The following PIEZO2 variants were observed in gnomAD, a reference collection of about 807,000 sequenced individuals.
PIEZO2 encodes the protein piezo-type mechanosensitive ion channel component 2.
A neutral mutation model predicts 337.3 loss-of-function variants in PIEZO2; 172 were observed. That is an observed-to-expected ratio of 0.51 (90% CI 0.45 to 0.58). PIEZO2 has a LOEUF of 0.58. Ranked by LOEUF, PIEZO2 falls within the 20% of genes least tolerant of loss-of-function variation. PIEZO2 has a pLI of 0.00. For synonymous variants in PIEZO2, 1,251 were observed against 1,228.5 expected, an observed-to-expected ratio of 1.02 and a Z score of -0.38; for missense variants, 3,028 against 3,391.3, an observed-to-expected ratio of 0.89 and a Z score of 2.66.
intron 15 of PIEZO2, 48 bp from the exon 16 acceptor site, chr18:10,787,232 G>A: frequency 6.8e-7 from 1 of 1,461,000 alleles, no homozygotes. Context: ...ATCACTTTTA[G>A]GAAAACTCAC....
At chr18:10,701,668 T>C (rs1361096183) in intron 43 of PIEZO2, among the ~76,000 whole-genome samples, 1 of 152,204 alleles carries the variant, frequency 6.6e-6, no homozygotes, top group Non-Finnish European at 1.5e-5. Context: ...ATATTGCACA[T>C]CATTCAAGCA....
chr18:11,117,287 T>C (rs2039919573), intron 1 of PIEZO2, among the ~76,000 whole-genome samples: 2 of 152,198 alleles, frequency 1.3e-5, no homozygotes, highest in African/African-American at 2.4e-5. Flanking sequence ...AATTATTATG[T>C]ATCAATAAAA....
Position 10,894,258 on chromosome 18 carries a change from C to T in PIEZO2, c.329+16928G>A, listed in dbSNP as rs1039940104. Among the ~76,000 whole-genome samples, 18 of 151,994 alleles carry T rather than the reference C, an allele frequency of 1.2e-4. No homozygotes were observed. Among genetic ancestry groups the T allele is most frequent in the African/African-American group, 4.4e-4 (18 of 41,372 alleles). On this transcript the variant is annotated intron_variant, in intron 4 of 55. Coordinates refer to ENST00000674853, the MANE Select transcript of PIEZO2 (RefSeq NM_001378183.1). This position sits in a 1 kb window ranked among gnomAD's most constrained non-coding sequence, Gnocchi z 4.1. ...ACCTGAGGTCAGGAGTTGAGACCAG[C>T]CTGGCCAACATGGAGAAATCCCCTC...
rs1308880817 is a variant in PIEZO2 at position 11,148,927 on chromosome 18, G to C, written c.-339C>G. On this transcript the variant is annotated 5_prime_UTR_variant, in exon 1 of 56. Coordinates refer to ENST00000674853, the MANE Select transcript of PIEZO2 (RefSeq NM_001378183.1). This position sits in a 1 kb window ranked among gnomAD's most constrained non-coding sequence, Gnocchi z 5.2. ...GGGTAGCTGATGCCGGGGCCTTGGA[G>C]AGGGACGCTTTGGGAGGGTCCTGGG... Among the ~76,000 whole-genome samples the C allele has an allele frequency of 6.6e-6, 1 of 152,172 alleles. No individual in the cohort carries two copies. The highest frequency in any genetic ancestry group is 1.5e-5 in the Non-Finnish European group (1 of 68,020).
At position 10,731,429 on chromosome 18, in the gene PIEZO2, T is replaced by C; in HGVS notation, c.5007A>G (p.Arg1669=). 5 of 1,534,854 alleles carry C rather than the reference T, an allele frequency of 3.3e-6. No homozygotes were observed. Among genetic ancestry groups the C allele is most frequent in the Admixed American group, 2.0e-5 (1 of 50,654 alleles). The change falls in exon 36 of 56, where the codon CGA becomes CGG. Residue 1669 remains arginine, a synonymous_variant. Transcript: ENST00000674853. ...CACCCTCCTTGGATCCTTTCCGCCT[T>C]CGTTTCCGTTCTTCTCTTGCAGACC... ...KKRSAREERK[R]RRKGSKEGPV...
At position 10,677,262 on chromosome 18, in the gene PIEZO2, G is replaced by C. The variant is rs1196527830; in HGVS notation, c.8081+485C>G. On this transcript the variant is annotated intron_variant, in intron 53 of 55. Coordinates refer to ENST00000674853, the MANE Select transcript of PIEZO2 (RefSeq NM_001378183.1). This position sits in a 1 kb window ranked among gnomAD's most constrained non-coding sequence, Gnocchi z 4.1. Reference sequence around the variant, plus strand: ...AAATGGAGTCTCACTCTGTTGCCCAGGCTGGAGTGCAGTGCTGCGATCTAG... The same window carrying C: ...AAATGGAGTCTCACTCTGTTGCCCACGCTGGAGTGCAGTGCTGCGATCTAG... Among the ~76,000 whole-genome samples, 22 of 152,086 alleles carry C rather than the reference G, an allele frequency of 1.4e-4. No individual in the cohort carries two copies. The highest frequency in any genetic ancestry group is 2.1e-4 in the South Asian group (1 of 4,812).
chr18:10,796,727 G>A (rs1044950727), intron 12 of PIEZO2, among the ~76,000 whole-genome samples: 2 of 152,232 alleles, frequency 1.3e-5, no homozygotes, highest in African/African-American at 4.8e-5. Flanking sequence ...CTAGCCCTGA[G>A]AAGATAGCAG....
At chr18:10,786,209 C>T (rs1183147968) in intron 16 of PIEZO2, among the ~76,000 whole-genome samples, 3 of 152,222 alleles carry the variant, frequency 2.0e-5, no homozygotes, top group African/African-American at 7.2e-5. Flanking sequence ...CTGTTTCCTT[C>T]ACAGACCTGT....
Position 10,726,395 on chromosome 18 carries a change from C to T in PIEZO2, c.5029+5012G>A. On this transcript the variant is annotated intron_variant, in intron 36 of 55. Transcript: ENST00000674853. This position sits in a 1 kb window ranked among gnomAD's most constrained non-coding sequence, Gnocchi z 5.9. ...CCCACTACCTGCGGGGCGGTAACAACGCGCGCCAGCCGTGGCACAACGCGG... is the reference window on the plus strand; with the variant it reads ...CCCACTACCTGCGGGGCGGTAACAATGCGCGCCAGCCGTGGCACAACGCGG... The T allele has an allele frequency of 6.6e-7, 1 of 1,525,268 alleles. No individual in the cohort carries two copies. The allele number at this position is 1,525,268 out of a possible 1,614,324, so 94.5% of individuals were successfully genotyped here.
intron 20 of PIEZO2, among the ~76,000 whole-genome samples, chr18:10,772,657 GA>G (rs1468595678): frequency 6.6e-6 from 1 of 152,168 alleles, no homozygotes; most frequent in African/African-American, 2.4e-5. Context: ...AGCATCTTAA[GA>G]TCATAGCCCC....
At chr18:11,029,243 G>A (rs1252933866) in intron 2 of PIEZO2, among the ~76,000 whole-genome samples, 1 of 152,100 alleles carries the variant, frequency 6.6e-6, no homozygotes, top group East Asian at 1.9e-4. Context: ...CGTCACCCTT[G>A]CTCCAGACCC....
chr18:10,968,917 A>G (rs1191374725), intron 3 of PIEZO2, among the ~76,000 whole-genome samples: 1 of 152,216 alleles, frequency 6.6e-6, no homozygotes, highest in African/African-American at 2.4e-5. Context: ...TATATTCTCA[A>G]TATTCAAAAT....
At chr18:11,011,039 C>T (rs543972055) in intron 2 of PIEZO2, among the ~76,000 whole-genome samples, 2 of 152,308 alleles carry the variant, frequency 1.3e-5, no homozygotes, top group East Asian at 1.9e-4. Flanking sequence ...GGTGTGAAAA[C>T]ACAAAGAAGG....
intron 1 of PIEZO2, among the ~76,000 whole-genome samples, chr18:11,090,064 G>A (rs2039028241): frequency 6.6e-6 from 1 of 152,204 alleles, no homozygotes; most frequent in Non-Finnish European, 1.5e-5. Flanking sequence ...GGGAGAGCAG[G>A]AAGCCTGACA....
intron 3 of PIEZO2, among the ~76,000 whole-genome samples, chr18:10,937,511 T>A (rs2032469694): frequency 6.6e-6 from 1 of 152,190 alleles, no homozygotes; most frequent in Admixed American, 6.5e-5. Flanking sequence ...AATATCTATA[T>A]GTTATTTCCC....
At position 10,837,183 on chromosome 18, in the gene PIEZO2, G is replaced by A. The variant is rs8083634; in HGVS notation, c.917+18170C>T. The stretch of plus-strand genomic sequence containing the variant: ...GATGGTGTGCACTCCTGTTGTGGAC[G>A]GTAACAGAACCTGGAAATCAATGCT... On this transcript the variant is annotated intron_variant, in intron 7 of 55. Coordinates refer to ENST00000674853, the MANE Select transcript of PIEZO2 (RefSeq NM_001378183.1). This position sits in a 1 kb window ranked among gnomAD's most constrained non-coding sequence, Gnocchi z 4.4. 0.14 allele frequency among the ~76,000 whole-genome samples: 21,134 copies of A among 152,116 alleles called. 2,232 individuals carry two copies. Among genetic ancestry groups the A allele is most frequent in the African/African-American group, 0.29 (12,195 of 41,448 alleles).
In PIEZO2 at chr18:11,031,868, A is replaced by G. The variant is rs2036750013; in HGVS notation, c.160+34259T>C. Among the ~76,000 whole-genome samples the G allele has an allele frequency of 1.3e-5, 2 of 152,182 alleles. No individual in the cohort carries two copies. The highest frequency in any genetic ancestry group is 4.8e-5 in the African/African-American group (2 of 41,448). ...TATTGGGTGTATTTTAATATTTTAT[A>G]ATCCATTTGGCTGCTGAATATTAGC... On this transcript the variant is annotated intron_variant, in intron 2 of 55. Transcript: ENST00000674853. The surrounding 1 kb of genome is among the most constrained non-coding windows in gnomAD (Gnocchi z 4.7).
In PIEZO2 at chr18:11,035,523, A is replaced by G. The variant is rs1318267945; in HGVS notation, c.160+30604T>C. Among the ~76,000 whole-genome samples the G allele has an allele frequency of 6.6e-6, 1 of 152,290 alleles. No individual in the cohort carries two copies. The highest frequency in any genetic ancestry group is 1.9e-4 in the East Asian group (1 of 5,176). ...CTCCCAGCCTCAGATATTCCTTTAG[A>G]GCAATGCAAAATGGGCTAACACAAC... is the stretch of plus-strand genomic sequence containing the variant. On this transcript the variant is annotated intron_variant, in intron 2 of 55. Transcript: ENST00000674853. The surrounding 1 kb of genome is among the most constrained non-coding windows in gnomAD (Gnocchi z 4.3).
Position 10,760,932 on chromosome 18 carries a change from GAAGT to G in PIEZO2, c.3425_3428del (p.Tyr1142SerfsTer12), listed in dbSNP as rs764519246. ...TCACCTCCAGACCAAACTTGTAAAA[GAAGT>G]AATTAATGAAATATTTGGCACAATT... On this transcript the variant is annotated frameshift_variant, in exon 24 of 56. Transcript: ENST00000674853. LOFTEE classifies it high-confidence loss of function. 2.6e-6 allele frequency: 4 copies of G among 1,532,096 alleles called. No homozygotes were observed. The highest frequency in any genetic ancestry group is 2.4e-5 in the South Asian group (2 of 83,852). 94.9% of individuals were successfully genotyped at this position (1,532,096 alleles called of 1,614,324 possible). A position where few individuals can be genotyped will look rare whatever the true frequency, so the allele number is the denominator to read the frequency against.
Sources: allele counts gnomAD v4.1 joint callset (sites outside exome capture counted in the v4.1 genomes callset), GRCh38; gene constraint gnomAD v4.1.1; non-coding constraint Gnocchi (gnomAD v3.1); transcripts MANE v1.5; gene names NCBI Gene and HGNC (gene_info 2026-07-23, HGNC 2026-07-21).